Variants in TMEM201 observed in about 807,000 individuals in gnomAD.
TMEM201 encodes RP13-15M17.2.
Under a neutral mutation model 63.4 loss-of-function variants are expected in TMEM201, and 26 were observed. The ratio of observed to expected loss-of-function variants is 0.41; its 90% confidence interval spans 0.30 to 0.57. The LOEUF (loss-of-function observed/expected upper bound fraction) is 0.57. Among genes scored for constraint, TMEM201 ranks in the 20% least tolerant of loss-of-function variants. The pLI, the probability that TMEM201 is intolerant of heterozygous loss-of-function variation, is 0.29. For synonymous variants in TMEM201, 417 were observed against 421.6 expected (o/e 0.99, Z 0.14); for missense variants, 794 against 917.7 (o/e 0.87, Z 1.74).
chr1:9,607,812 C>A lies in TMEM201; in HGVS notation c.1393+23C>A. The A allele has an allele frequency of 6.5e-7, 1 of 1,547,166 alleles. No individual in the cohort carries two copies. Among genetic ancestry groups the A allele is most frequent in the Non-Finnish European group, 8.7e-7 (1 of 1,143,954 alleles). ...CAGGTAAGGGGTGCCCAGGCATTGG[C>A]AGACAGTCAGGGCTAGGGGCAGCTG... On this transcript the variant is annotated intron_variant, in intron 7 of 10. Transcript: ENST00000340381. The surrounding 1 kb of genome is among the most constrained non-coding windows in gnomAD (Gnocchi z 5.4).
rs186696846 is a variant in TMEM201, at chr1:9,610,585, C to A, written c.1545C>A (p.Ala515=). 1.0e-5 allele frequency: 16 copies of A among 1,550,462 alleles called. No homozygotes were observed. Among genetic ancestry groups the A allele is most frequent in the Middle Eastern group, 3.3e-4 (2 of 5,992 alleles). The change falls in exon 9 of 11, where the codon GCC becomes GCA. Residue 515 remains alanine (A), a synonymous_variant. Coordinates refer to ENST00000340381, the MANE Select transcript of TMEM201 (RefSeq NM_001130924.3). The surrounding 1 kb of genome is among the most constrained non-coding windows in gnomAD (Gnocchi z 4.9). The part of the protein sequence containing the change: ...SPAPSVAGSV[A]SSSGSLRHRR... ...CGCCTTCCGTGGCCGGCTCGGTGGCCTCCAGCTCCGGCTCTCTGCGCCACC... is the reference window on the plus strand; with the variant it reads ...CGCCTTCCGTGGCCGGCTCGGTGGCATCCAGCTCCGGCTCTCTGCGCCACC...
intron 1 of TMEM201, among the ~76,000 whole-genome samples, chr1:9,593,971 G>A (rs1488480977): frequency 1.3e-5 from 2 of 152,262 alleles, no homozygotes; most frequent in African/African-American, 2.4e-5. Flanking sequence ...TGCGGGCACC[G>A]CAGCAGAGCA....
chr1:9,604,066 A>C lies in TMEM201; in HGVS notation c.1160+1794A>C, dbSNP rs1644199179. The C allele has an allele frequency of 1.0e-6, 1 of 985,312 alleles. No individual in the cohort carries two copies. Among genetic ancestry groups the C allele is most frequent in the Non-Finnish European group, 1.2e-6 (1 of 829,950 alleles). 61.0% of individuals were successfully genotyped at this position (985,312 alleles called of 1,614,324 possible). A position where few individuals can be genotyped will look rare whatever the true frequency, so the allele number is the denominator to read the frequency against. On this transcript the variant is annotated intron_variant, in intron 6 of 10. Coordinates refer to ENST00000340381, the MANE Select transcript of TMEM201 (RefSeq NM_001130924.3). The surrounding 1 kb of genome is among the most constrained non-coding windows in gnomAD (Gnocchi z 4.1). ...CCACCCCCCAGCCCACAAAGAGCCC[A>C]TCTGAGAGAAGGACGTGGTGGAGCC... is the stretch of plus-strand genomic sequence containing the variant.
At chr1:9,609,290 T>G (rs990143233) in intron 7 of TMEM201, among the ~76,000 whole-genome samples, 1 of 152,228 alleles carries the variant, frequency 6.6e-6, no homozygotes, top group African/African-American at 2.4e-5. Context: ...AGGCAGTCCC[T>G]GGGTCCCACA....
chr1:9,592,926 G>T (rs1643945985), intron 1 of TMEM201, among the ~76,000 whole-genome samples: 1 of 152,226 alleles, frequency 6.6e-6, no homozygotes, highest in African/African-American at 2.4e-5. Context: ...GTTGTGGGCA[G>T]GGGCAGCCCC....
At position 9,611,906 on chromosome 1, in the gene TMEM201, T is replaced by C; in HGVS notation, c.1903+16T>C. 1 of 1,513,224 alleles carries C rather than the reference T, an allele frequency of 6.6e-7. No homozygotes were observed. Among genetic ancestry groups the C allele is most frequent in the Non-Finnish European group, 8.9e-7 (1 of 1,128,248 alleles). 93.7% of individuals were successfully genotyped at this position (1,513,224 alleles called of 1,614,324 possible). On this transcript the variant is annotated intron_variant, in intron 10 of 10. Coordinates refer to ENST00000340381, the MANE Select transcript of TMEM201 (RefSeq NM_001130924.3). ...ACCTGGAGAGGTCTGTACCCTGAGG[T>C]GCGGGAGGGGAGGGGGTGGGCACAC...
intron 1 of TMEM201, among the ~76,000 whole-genome samples, chr1:9,589,772 T>G (rs1569898770): frequency 1.3e-5 from 2 of 152,184 alleles, no homozygotes. Flanking sequence ...GCCTCGCAGG[T>G]AGCTTACTGT....
chr1:9,596,632 G>A (rs868442692), intron 2 of TMEM201, among the ~76,000 whole-genome samples: 2 of 152,236 alleles, frequency 1.3e-5, no homozygotes, highest in Admixed American at 6.5e-5. Context: ...TGCAGGCCCT[G>A]CTCTGTGCTC....
chr1:9,594,021 G>A (rs1369692235), intron 1 of TMEM201, among the ~76,000 whole-genome samples: 1 of 152,264 alleles, frequency 6.6e-6, no homozygotes, highest in African/African-American at 2.4e-5. Context: ...TTCCCTGGCT[G>A]TTCATGTAGT....
At position 9,607,919 on chromosome 1, in the gene TMEM201, G is replaced by C; in HGVS notation, c.1393+130G>C. 1 of 887,824 alleles carries C rather than the reference G, an allele frequency of 1.1e-6. No individual in the cohort carries two copies. The highest frequency in any genetic ancestry group is 2.8e-5 in the Admixed American group (1 of 35,680). The allele number at this position is 887,824 out of a possible 1,614,324, so 55.0% of individuals were successfully genotyped here. ...CTGCTGCAGAGACAGGCAGCACAGA[G>C]CTTTGAGCCTCAGTTCCCCCCAAAG... On this transcript the variant is annotated intron_variant, in intron 7 of 10. Transcript: ENST00000340381. The surrounding 1 kb of genome is among the most constrained non-coding windows in gnomAD (Gnocchi z 5.4).
rs1334575059 is a variant in TMEM201 at position 9,614,720 on chromosome 1, C to G, written c.*1637C>G. The G allele has an allele frequency of 6.6e-6, 1 of 152,250 alleles. No individual in the cohort carries two copies. Among genetic ancestry groups the G allele is most frequent in the Admixed American group, 6.5e-5 (1 of 15,290 alleles). The allele number at this position is 152,250 out of a possible 1,614,324, so 9.4% of individuals were successfully genotyped here. On this transcript the variant is annotated 3_prime_UTR_variant, in exon 11 of 11. Coordinates refer to ENST00000340381, the MANE Select transcript of TMEM201 (RefSeq NM_001130924.3). ...CCTCCTCTCAGCCGGGCAGCCTGGC[C>G]TCTCCTGCCCAGACCTGCGGTCCCA...
At chr1:9,609,234 A>G (rs971521005) in intron 7 of TMEM201, among the ~76,000 whole-genome samples, 1 of 152,178 alleles carries the variant, frequency 6.6e-6, no homozygotes, top group African/African-American at 2.4e-5. Flanking sequence ...GGTTATCTGC[A>G]TGCTGCAACA....
Position 9,609,840 on chromosome 1 carries a change from ACTCCGG to A in TMEM201, c.1397_1402del (p.Ser466_Gly467del). The A allele has an allele frequency of 2.6e-6, 4 of 1,550,956 alleles. No homozygotes were observed. The highest frequency in any genetic ancestry group is 3.5e-6 in the Non-Finnish European group (4 of 1,146,822). On this transcript the variant is annotated inframe_deletion and splice_region_variant, in exon 8 of 11. Transcript: ENST00000340381. The stretch of plus-strand genomic sequence containing the variant: ...GTCGCCCGCTTCTCTCTGTCTCCAG[ACTCCGG>A]CTATCTGTTCAGCGGTAGCCGCCCA...
At chr1:9,611,507 T>C (rs1420706978) in intron 9 of TMEM201, among the ~76,000 whole-genome samples, 1 of 152,216 alleles carries the variant, frequency 6.6e-6, no homozygotes, top group Non-Finnish European at 1.5e-5. Context: ...CTCGAATGTT[T>C]AGATTTCCCA....
chr1:9,610,829 G>A lies in TMEM201; in HGVS notation c.1765+24G>A. 6.6e-7 allele frequency: 1 copy of A among 1,515,960 alleles called. No individual in the cohort carries two copies. The highest frequency in any genetic ancestry group is 8.9e-7 in the Non-Finnish European group (1 of 1,126,612). The allele number at this position is 1,515,960 out of a possible 1,614,324, so 93.9% of individuals were successfully genotyped here. On this transcript the variant is annotated intron_variant, in intron 9 of 10. Transcript: ENST00000340381. This position sits in a 1 kb window ranked among gnomAD's most constrained non-coding sequence, Gnocchi z 4.9. ...GGGTACGGCCTTCTGACCACCCCAAGGGGCCGTGGGAGGGCCTCTGCTGCC... is the reference window on the plus strand; with the variant it reads ...GGGTACGGCCTTCTGACCACCCCAAAGGGCCGTGGGAGGGCCTCTGCTGCC...
At chr1:9,602,509 A>C in intron 6 of TMEM201, 1 of 1,408,560 alleles carries the variant, frequency 7.1e-7, no homozygotes, top group Non-Finnish European at 9.2e-7. Flanking sequence ...GTAGCCACTC[A>C]CCACTGCTGC....
chr1:9,591,073 A>G (rs888312944), intron 1 of TMEM201, among the ~76,000 whole-genome samples: 6 of 152,184 alleles, frequency 3.9e-5, no homozygotes, highest in Non-Finnish European at 7.3e-5. Context: ...GCTGAGGCGC[A>G]TGGGAAGGAG....
rs1381322152 is a variant in TMEM201 at position 9,601,143 on chromosome 1, C to T, written c.645C>T (p.Ile215=). The T allele has an allele frequency of 1.2e-6, 2 of 1,604,830 alleles. No individual in the cohort carries two copies. The highest frequency in any genetic ancestry group is 2.2e-5 in the South Asian group (2 of 90,758). The change falls in exon 5 of 11, where the codon ATC becomes ATT. Residue 215 remains isoleucine, a synonymous_variant. Coordinates refer to ENST00000340381, the MANE Select transcript of TMEM201 (RefSeq NM_001130924.3). ...SSAVKSPVQV[I]LLRALAFLAC... is the part of the protein sequence containing the mutation. ...CCGTGAAGTCCCCGGTCCAGGTCATCCTGCTCCGTGCCCTCGCCTTCCTGG... is the reference window on the plus strand; with the variant it reads ...CCGTGAAGTCCCCGGTCCAGGTCATTCTGCTCCGTGCCCTCGCCTTCCTGG...
rs1569896506 is a variant in TMEM201 at position 9,589,043 on chromosome 1, G to A, written c.113G>A (p.Arg38Lys). The change falls in exon 1 of 11, where the codon AGG (arginine) becomes AAG (lysine). Residue 38 changes from arginine to lysine, a missense_variant and splice_region_variant. Physicochemically the swap from Arg to Lys is conservative, Grantham distance 26 (BLOSUM62 2). Coordinates refer to ENST00000340381, the MANE Select transcript of TMEM201 (RefSeq NM_001130924.3). The stretch of plus-strand genomic sequence containing the variant: ...GTGTTGCTCTACCGGATCGCGCGGA[G>A]GTGAGTGCATGGTTCGGCCCCACGC... ...AGVLLYRIAR[R>K]MKPTHTMVNC... is the part of the protein sequence containing the mutation. 1 of 1,119,522 alleles carries A rather than the reference G, an allele frequency of 8.9e-7. No homozygotes were observed. Among genetic ancestry groups the A allele is most frequent in the Non-Finnish European group, 1.1e-6 (1 of 913,682 alleles). The allele number at this position is 1,119,522 out of a possible 1,614,324, so 69.3% of individuals were successfully genotyped here.
Sources: allele counts gnomAD v4.1 joint callset (sites outside exome capture counted in the v4.1 genomes callset), GRCh38; gene constraint gnomAD v4.1.1; non-coding constraint Gnocchi (gnomAD v3.1); transcripts MANE v1.5; gene names NCBI Gene and HGNC (gene_info 2026-07-23, HGNC 2026-07-21).